PKD1L1: variants seen among roughly 807,000 people sequenced by gnomAD.
PKD1L1 encodes the protein polycystin 1 like 1, transient receptor potential channel interacting.
A neutral mutation model predicts 323.4 loss-of-function variants in PKD1L1; 236 were observed. That is an observed-to-expected ratio of 0.73 (90% CI 0.66 to 0.81). PKD1L1 has a LOEUF of 0.81. PKD1L1 is among the 40% of genes least tolerant of loss of function. PKD1L1 has a pLI of 0.00. For missense variants in PKD1L1, 3,320 were observed against 3,508.0 expected, an observed-to-expected ratio of 0.95 and a Z score of 1.35; for synonymous variants, 1,344 against 1,335.0, an observed-to-expected ratio of 1.01 and a Z score of -0.15.
At chr7:47,959,676 C>T in the PKD1L1 span, among the ~76,000 whole-genome samples, 1 of 133,354 alleles carries the variant, frequency 7.5e-6, no homozygotes, top group African/African-American at 2.6e-5. Context: ...CCAGGCCAGC[C>T]GCCCCGTCCG....
intron 52 of PKD1L1, among the ~76,000 whole-genome samples, chr7:47,807,211 T>A (rs1250044812): frequency 6.6e-6 from 1 of 152,002 alleles, no homozygotes; most frequent in Non-Finnish European, 1.5e-5. Context: ...TTGGGCTCCT[T>A]TAGAACCTGT....
At chr7:47,866,918 CA>C (rs1354457111) in intron 24 of PKD1L1, among the ~76,000 whole-genome samples, 1 of 152,122 alleles carries the variant, frequency 6.6e-6, no homozygotes, top group Non-Finnish European at 1.5e-5. Flanking sequence ...ACAGAGATAC[CA>C]CCACGCTACA....
At chr7:47,780,106 C>T (rs552961704) in intron 56 of PKD1L1, among the ~76,000 whole-genome samples, 1 of 152,026 alleles carries the variant, frequency 6.6e-6, no homozygotes. Context: ...TCCTATGTAC[C>T]TTTTACCAGG....
At chr7:47,858,416 A>G (rs959052433) in intron 27 of PKD1L1, among the ~76,000 whole-genome samples, 1 of 152,180 alleles carries the variant, frequency 6.6e-6, no homozygotes, top group Non-Finnish European at 1.5e-5. Flanking sequence ...CATCCCAAAT[A>G]TCCCAAATGA....
chr7:47,902,078 C>T (rs943693656), intron 13 of PKD1L1, among the ~76,000 whole-genome samples: 3 of 140,004 alleles, frequency 2.1e-5, no homozygotes, highest in African/African-American at 1.0e-4. Flanking sequence ...GAAAAGAGCT[C>T]CTTAAAGTGA....
chr7:47,880,269 TATA>T (rs1786515949), intron 21 of PKD1L1, among the ~76,000 whole-genome samples: 3 of 76,748 alleles, frequency 3.9e-5, no homozygotes, highest in African/African-American at 2.0e-4. Context: ...TATATACATA[TATA>T]TATATATATA....
intron 21 of PKD1L1, among the ~76,000 whole-genome samples, chr7:47,880,399 G>A (rs1786525413): frequency 6.8e-6 from 1 of 146,824 alleles, no homozygotes; most frequent in Non-Finnish European, 1.5e-5. Context: ...CTCCTGCCTC[G>A]GCCTCTCGAA....
intron 46 of PKD1L1, chr7:47,818,264 T>G: frequency 8.2e-7 from 1 of 1,222,978 alleles, no homozygotes. Context: ...GGCACAGAGA[T>G]GCAGTGAAAA....
chr7:47,932,309 T>C (rs1787787667), intron 4 of PKD1L1, among the ~76,000 whole-genome samples: 1 of 152,094 alleles, frequency 6.6e-6, no homozygotes, highest in Non-Finnish European at 1.5e-5. Flanking sequence ...TATTAAACGA[T>C]TGACTAAAAT....
At chr7:47,829,996 C>T in intron 43 of PKD1L1, 44 bp downstream of exon 43, 2 of 1,550,150 alleles carry the variant, frequency 1.3e-6, no homozygotes, top group Non-Finnish European at 1.8e-6. Context: ...CATCTAGGTC[C>T]CCTGCTGATG....
At chr7:47,802,683 A>G (rs887346989) in intron 53 of PKD1L1, among the ~76,000 whole-genome samples, 14 of 152,124 alleles carry the variant, frequency 9.2e-5, no homozygotes, top group African/African-American at 3.4e-4. Context: ...AATCAACAGC[A>G]CCCCAGGAAC....
At chr7:47,875,985 T>G in intron 23 of PKD1L1, 112 bp downstream of exon 23, 2 of 1,201,582 alleles carry the variant, frequency 1.7e-6, no homozygotes, top group Non-Finnish European at 2.3e-6. Flanking sequence ...AGCATTAAAC[T>G]GATCAAGGTG....
intron 56 of PKD1L1, among the ~76,000 whole-genome samples, chr7:47,790,361 A>T (rs910605094): frequency 2.0e-5 from 3 of 149,520 alleles, no homozygotes; most frequent in Admixed American, 6.7e-5. Context: ...ATGGAGTCTC[A>T]TTCTGTCACC....
chr7:47,869,990 A>G (rs867667610), intron 24 of PKD1L1, among the ~76,000 whole-genome samples: 28 of 152,302 alleles, frequency 1.8e-4, no homozygotes, highest in African/African-American at 6.5e-4. Flanking sequence ...TAAATATTAT[A>G]ATCAATGGTT....
upstream of PKD1L1, among the ~76,000 whole-genome samples, chr7:47,952,397 T>C (rs1198705715): frequency 6.6e-6 from 1 of 152,068 alleles, no homozygotes; most frequent in Non-Finnish European, 1.5e-5. Context: ...TGAGCACAGG[T>C]AGAAAGCCCA....
At chr7:47,897,468 T>C (rs1020746419) in intron 14 of PKD1L1, among the ~76,000 whole-genome samples, 2 of 152,210 alleles carry the variant, frequency 1.3e-5, no homozygotes, top group African/African-American at 4.8e-5. Context: ...ACAGATTCTC[T>C]TTTCAGCACC....
chr7:47,852,264 C>T (rs1022210522), intron 31 of PKD1L1, among the ~76,000 whole-genome samples: 3 of 152,016 alleles, frequency 2.0e-5, no homozygotes, highest in African/African-American at 4.8e-5. Context: ...ATATGTTGTG[C>T]GTATTTTTCT....
chr7:47,860,970 C>T (rs1786010048), intron 26 of PKD1L1, among the ~76,000 whole-genome samples: 2 of 152,284 alleles, frequency 1.3e-5, no homozygotes, highest in Admixed American at 1.3e-4. Flanking sequence ...GCGAGGTGTG[C>T]ACCTGCAGCG....
In PKD1L1 at chr7:47,890,465, A is replaced by G. The variant is rs138415217; in HGVS notation, c.2675+77T>C. 371 of 1,432,778 alleles carry G rather than the reference A, an allele frequency of 2.6e-4. 2 individuals are homozygous for G. The African/African-American group carries it at 4.8e-3, about 18-fold the overall frequency. The allele number at this position is 1,432,778 out of a possible 1,614,324, so 88.8% of individuals were successfully genotyped here. A position where few individuals can be genotyped will look rare whatever the true frequency, so the allele number is the denominator to read the frequency against. ...CCAAACTGCTTGCTGTGCACAGCAG[A>G]TTCCTTTCACGGATGCTAGCACCAG... On this transcript the variant is annotated intron_variant, in intron 16 of 56. Coordinates refer to ENST00000289672, the MANE Select transcript of PKD1L1 (RefSeq NM_138295.5).
Sources: allele counts gnomAD v4.1 joint callset (sites outside exome capture counted in the v4.1 genomes callset), GRCh38; gene constraint gnomAD v4.1.1; transcripts MANE v1.5; gene names NCBI Gene and HGNC (gene_info 2026-07-23, HGNC 2026-07-21).